Variants in RGS7 observed in about 807,000 individuals in gnomAD.
The protein encoded by RGS7 is regulator of G protein signaling 7.
In RGS7, 27 loss-of-function variants were observed where a neutral mutation model predicts 81.1. The observed-to-expected ratio is 0.33, with a 90% CI of 0.25 to 0.46. The LOEUF (loss-of-function observed/expected upper bound fraction) is 0.46, where lower values mean the gene tolerates loss of function less well. RGS7 is among the 20% of genes least tolerant of loss of function. The pLI, the probability that RGS7 is intolerant of heterozygous loss-of-function variation, is 1.00. For missense variants in RGS7, 396 were observed against 607.4 expected, an observed-to-expected ratio of 0.65 and a Z score of 3.66; for synonymous variants, 208 against 207.7, an observed-to-expected ratio of 1.00 and a Z score of -0.01.
chr1:241,100,553 A>C (rs2064658098), intron 2 of RGS7, among the ~76,000 whole-genome samples: 2 of 152,302 alleles, frequency 1.3e-5, no homozygotes, highest in Admixed American at 1.3e-4. Flanking sequence ...AATGAAACAC[A>C]GGTTTGTATT....
chr1:241,046,542 G>A (rs532125878), intron 3 of RGS7, among the ~76,000 whole-genome samples: 1 of 152,262 alleles, frequency 6.6e-6, no homozygotes, highest in Non-Finnish European at 1.5e-5. Context: ...TCTTCAGTGG[G>A]GAAAAAGAAC....
At chr1:240,938,624 C>T (rs1002753558) in intron 4 of RGS7, among the ~76,000 whole-genome samples, 1 of 152,162 alleles carries the variant, frequency 6.6e-6, no homozygotes, top group African/African-American at 2.4e-5. Context: ...CAATTGATAA[C>T]TTCTACCTCT....
Position 240,785,460 on chromosome 1 carries a change from G to C in RGS7, c.*7-9247C>G. On this transcript the variant is annotated intron_variant, in intron 18 of 18. Coordinates refer to ENST00000440928, the MANE Select transcript of RGS7 (RefSeq NM_001364886.1). ...TTTATATGCCTTCTTACGTGATTTT[G>C]TAAGTCATCTGGCCTGATGAAGTGA... is the stretch of plus-strand genomic sequence containing the variant. Among the ~76,000 whole-genome samples the C allele has an allele frequency of 1.3e-5, 2 of 152,174 alleles. 1 individual carries two copies. The highest frequency in any genetic ancestry group is 2.9e-5 in the Non-Finnish European group (2 of 68,028).
intron 16 of RGS7, 142 bp from the exon 17 acceptor site, chr1:240,801,650 T>TG: frequency 2.8e-6 from 2 of 718,870 alleles, no homozygotes; most frequent in Non-Finnish European, 4.9e-6. Context: ...AGAAGGCCCA[T>TG]AGAGGTTGGA....
chr1:241,220,999 G>GGAAGGAAGGA (rs1558203363), intron 2 of RGS7, among the ~76,000 whole-genome samples: 2 of 64,778 alleles, frequency 3.1e-5, no homozygotes, highest in African/African-American at 1.1e-4. Flanking sequence ...GGAAGGAAGA[G>GGAAGGAAGGA]AGAGAGAAAG....
chr1:240,819,771 A>T (rs1439251229), intron 10 of RGS7, among the ~76,000 whole-genome samples: 1 of 152,180 alleles, frequency 6.6e-6, no homozygotes. Flanking sequence ...CAAAGGTCCC[A>T]TAAGAGACCA....
chr1:241,266,496 A>T (rs2077600915), intron 2 of RGS7, among the ~76,000 whole-genome samples: 1 of 152,156 alleles, frequency 6.6e-6, no homozygotes, highest in Non-Finnish European at 1.5e-5. Context: ...TGGTTCCATA[A>T]TTGGCTAAAT....
At chr1:241,139,059 T>C (rs750941599) in intron 2 of RGS7, among the ~76,000 whole-genome samples, 5 of 152,170 alleles carry the variant, frequency 3.3e-5, no homozygotes, top group African/African-American at 4.8e-5. Flanking sequence ...AACCACACAA[T>C]ATGTGTCTGG....
intron 2 of RGS7, among the ~76,000 whole-genome samples, chr1:241,252,093 G>C (rs1253622917): frequency 6.6e-6 from 1 of 150,808 alleles, no homozygotes; most frequent in Non-Finnish European, 1.5e-5. Context: ...ACCCAGGCTG[G>C]AGTGCAATGG....
chr1:241,285,373 C>T (rs994942766), intron 2 of RGS7, among the ~76,000 whole-genome samples: 3 of 152,084 alleles, frequency 2.0e-5, no homozygotes, highest in Non-Finnish European at 2.9e-5. Flanking sequence ...AGCTAATCTG[C>T]CTTGTTCTCT....
chr1:240,966,507 T>C (rs1031024958), intron 4 of RGS7, among the ~76,000 whole-genome samples: 2 of 152,114 alleles, frequency 1.3e-5, no homozygotes, highest in Non-Finnish European at 2.9e-5. Context: ...GCTTGAGTTT[T>C]CCAGAACGCC....
intron 4 of RGS7, among the ~76,000 whole-genome samples, chr1:240,968,617 T>C (rs2148500264): frequency 6.6e-6 from 1 of 152,186 alleles, no homozygotes; most frequent in East Asian, 1.9e-4. Flanking sequence ...ATTTTCAAAA[T>C]TTGAAAATCG....
chr1:241,284,920 G>T (rs1217668062), intron 2 of RGS7, among the ~76,000 whole-genome samples: 1 of 151,880 alleles, frequency 6.6e-6, no homozygotes, highest in Non-Finnish European at 1.5e-5. Flanking sequence ...GCCCAGGCTG[G>T]AGTGCAGTGG....
chr1:241,198,608 T>C (rs1009347232), intron 2 of RGS7, among the ~76,000 whole-genome samples: 19 of 149,252 alleles, frequency 1.3e-4, no homozygotes, highest in African/African-American at 4.9e-4. Flanking sequence ...AAACACAAGC[T>C]AACTAAACTG....
intron 2 of RGS7, among the ~76,000 whole-genome samples, chr1:241,208,051 G>A (rs6429253): frequency 0.016 from 2,361 of 152,010 alleles, 54 homozygotes; most frequent in African/African-American, 0.053. Flanking sequence ...GAATACAGGC[G>A]CCCGCCACTG....
chr1:241,254,019 T>C (rs1476573040), intron 2 of RGS7, among the ~76,000 whole-genome samples: 1 of 151,882 alleles, frequency 6.6e-6, no homozygotes, highest in Non-Finnish European at 1.5e-5. Context: ...GCTAACACGA[T>C]GAAACACCAT....
intron 9 of RGS7, among the ~76,000 whole-genome samples, chr1:240,839,873 C>T (rs1003461422): frequency 6.6e-6 from 1 of 152,142 alleles, no homozygotes; most frequent in Non-Finnish European, 1.5e-5. Context: ...CAGTGAGTGC[C>T]TCCAACCATC....
chr1:241,081,654 A>G (rs2063140361), intron 3 of RGS7, among the ~76,000 whole-genome samples: 1 of 152,244 alleles, frequency 6.6e-6, no homozygotes, highest in Non-Finnish European at 1.5e-5. Context: ...TCAGGTTCCC[A>G]TGTAGGGATG....
intron 3 of RGS7, among the ~76,000 whole-genome samples, chr1:241,071,992 A>G (rs1324229413): frequency 2.0e-5 from 3 of 151,808 alleles, no homozygotes; most frequent in Non-Finnish European, 2.9e-5. Context: ...TTTGAAATTT[A>G]CTAGAGTAAG....
Sources: gnomAD v4.1 joint callset for allele counts (sites outside exome capture counted in the v4.1 genomes callset) on GRCh38, gnomAD v4.1.1 for gene constraint, MANE v1.5 for transcripts, NCBI Gene and HGNC (gene_info 2026-07-23, HGNC 2026-07-21) for gene names.